Variants in CNTNAP5 observed in about 807,000 individuals in gnomAD.
CNTNAP5 encodes contactin-associated protein-like 5.
CNTNAP5 carries 72 observed loss-of-function variants against 150.2 expected under a neutral mutation model. That is an observed-to-expected ratio of 0.48 (90% confidence interval 0.40 to 0.58). The LOEUF is 0.58. Among genes scored for constraint, CNTNAP5 ranks in the 20% least tolerant of loss-of-function variants. The probability of loss-of-function intolerance (pLI) is 0.00; values close to 1 mark genes in which losing one functional copy is unlikely to be tolerated. For synonymous variants in CNTNAP5, 672 were observed against 619.8 expected (o/e 1.08, Z -1.25); for missense variants, 1,636 against 1,626.2 (o/e 1.01, Z -0.10).
rs72963836 is a variant in CNTNAP5 at position 124,852,464 on chromosome 2, C to T, written c.3218-12842C>T. On this transcript the variant is annotated intron_variant, in intron 19 of 23. Transcript: ENST00000682447. ...TAAAGTAGGTCAGTAGTAGTTGGAG[C>T]TTAGTGGGTGAGGGCAAGTGTGGAA... Among the ~76,000 whole-genome samples the T allele has an allele frequency of 7.1e-3, 1,086 of 152,208 alleles. 21 individuals carry two copies. Among genetic ancestry groups the T allele is most frequent in the African/African-American group, 0.025 (1,030 of 41,512 alleles).
chr2:124,164,282 C>T (rs1362688297), intron 1 of CNTNAP5, among the ~76,000 whole-genome samples: 1 of 152,186 alleles, frequency 6.6e-6, no homozygotes, highest in Non-Finnish European at 1.5e-5. Flanking sequence ...ACAGCAAGTA[C>T]ATGGAGCGGT....
intron 21 of CNTNAP5, among the ~76,000 whole-genome samples, chr2:124,871,081 A>G (rs1006305600): frequency 4.6e-5 from 7 of 152,006 alleles, no homozygotes; most frequent in Non-Finnish European, 1.0e-4. Flanking sequence ...TCCTAATAAT[A>G]ATCATTTTTA....
At chr2:124,648,135 A>G (rs536779844) in intron 13 of CNTNAP5, among the ~76,000 whole-genome samples, 177 bp downstream of exon 13, 16 of 152,164 alleles carry the variant, frequency 1.1e-4, no homozygotes, top group Non-Finnish European at 2.4e-4. Flanking sequence ...GAAATTCAGC[A>G]TGGAAGCTAG....
At chr2:124,104,852 C>T (rs1683141234) in intron 1 of CNTNAP5, among the ~76,000 whole-genome samples, 2 of 152,168 alleles carry the variant, frequency 1.3e-5, no homozygotes, top group Non-Finnish European at 2.9e-5. Flanking sequence ...AGCTGGTACT[C>T]GGGTTGCTGT....
chr2:124,423,714 G>GA (rs1462142947), intron 4 of CNTNAP5, among the ~76,000 whole-genome samples: 1 of 117,380 alleles, frequency 8.5e-6, no homozygotes. Flanking sequence ...GCCCAGGCTG[G>GA]AGTGCAGTGG....
chr2:124,070,027 A>G, intron 1 of CNTNAP5, among the ~76,000 whole-genome samples: 1 of 152,118 alleles, frequency 6.6e-6, no homozygotes, highest in East Asian at 1.9e-4. Context: ...AAACAATAAA[A>G]AGTTAAAAAG....
chr2:124,194,473 A>T (rs1339076506), intron 1 of CNTNAP5, among the ~76,000 whole-genome samples: 1 of 148,730 alleles, frequency 6.7e-6, no homozygotes, highest in Non-Finnish European at 1.5e-5. Flanking sequence ...TCTTTTCTAG[A>T]ACATGTGGTA....
At chr2:124,369,183 C>A (rs1690454003) in intron 3 of CNTNAP5, among the ~76,000 whole-genome samples, 1 of 152,076 alleles carries the variant, frequency 6.6e-6, no homozygotes, top group African/African-American at 2.4e-5. Context: ...TATCTCTACC[C>A]ATCCAATTGT....
At position 124,194,882 on chromosome 2, in the gene CNTNAP5, T is replaced by C. The variant is rs142711180; in HGVS notation, c.83-26823T>C. 2.0e-4 allele frequency among the ~76,000 whole-genome samples: 30 copies of C among 151,886 alleles called. No homozygotes were observed. The East Asian group carries it at 5.2e-3, about 27-fold the overall frequency. On this transcript the variant is annotated intron_variant, in intron 1 of 23. Transcript: ENST00000682447. ...TATTGGACACAATGGTAAAAACTAA[T>C]AGATGGAAAAGGGAAAACTAGAAGT...
rs559569752 is a variant in CNTNAP5, at chr2:124,246,819, C to T, written c.381+4426C>T. Among the ~76,000 whole-genome samples, 11 of 152,174 alleles carry T rather than the reference C, an allele frequency of 7.2e-5. No individual in the cohort carries two copies. In the South Asian group the frequency reaches 2.1e-3, roughly 29 times the overall value. On this transcript the variant is annotated intron_variant, in intron 3 of 23. Coordinates refer to ENST00000682447, the MANE Select transcript of CNTNAP5 (RefSeq NM_001367498.1). ...AGCTCATGTCAGTCCCCTTCTCTAC[C>T]CTATCATCTCCTGTGAATATTCTAT...
intron 8 of CNTNAP5, among the ~76,000 whole-genome samples, chr2:124,512,556 T>A (rs2104873551): frequency 6.6e-6 from 1 of 152,196 alleles, no homozygotes; most frequent in South Asian, 2.1e-4. Flanking sequence ...AAAAAGTGTC[T>A]ATAGTCAAGG....
intron 8 of CNTNAP5, among the ~76,000 whole-genome samples, chr2:124,521,799 ATTGACTGTGCT>A (rs1694852882): frequency 6.6e-6 from 1 of 152,156 alleles, no homozygotes. Context: ...AGGACTTACA[ATTGACTGTGCT>A]CCCCAAATAC....
intron 21 of CNTNAP5, among the ~76,000 whole-genome samples, chr2:124,881,423 C>G (rs985074866): frequency 1.6e-4 from 25 of 152,170 alleles, no homozygotes; most frequent in African/African-American, 5.3e-4. Flanking sequence ...GCAGATTTTT[C>G]CAGTCATTAC....
intron 3 of CNTNAP5, among the ~76,000 whole-genome samples, chr2:124,266,559 G>A (rs1030517253): frequency 1.3e-5 from 2 of 152,130 alleles, no homozygotes; most frequent in Non-Finnish European, 2.9e-5. Flanking sequence ...TTCCCCATGT[G>A]TGTCTTGTGC....
chr2:124,084,668 A>G (rs1682636630), intron 1 of CNTNAP5, among the ~76,000 whole-genome samples: 1 of 152,050 alleles, frequency 6.6e-6, no homozygotes, highest in Non-Finnish European at 1.5e-5. Flanking sequence ...GTGCTTGCAT[A>G]TATGTGTTTA....
At chr2:124,368,123 A>C (rs1690423526) in intron 3 of CNTNAP5, among the ~76,000 whole-genome samples, 1 of 152,220 alleles carries the variant, frequency 6.6e-6, no homozygotes, top group Non-Finnish European at 1.5e-5. Context: ...TCGTAAGCTT[A>C]GGTTGAAACA....
At chr2:124,523,459 G>A (rs1428250224) in intron 8 of CNTNAP5, among the ~76,000 whole-genome samples, 1 of 152,140 alleles carries the variant, frequency 6.6e-6, no homozygotes, top group Non-Finnish European at 1.5e-5. Flanking sequence ...CTTAATAGAT[G>A]ATAAACTCTT....
intron 7 of CNTNAP5, among the ~76,000 whole-genome samples, chr2:124,499,766 T>C (rs1191232302): frequency 1.3e-5 from 2 of 152,152 alleles, no homozygotes; most frequent in East Asian, 3.9e-4. Context: ...CTTTTCTCAC[T>C]CTCCCACATT....
intron 13 of CNTNAP5, among the ~76,000 whole-genome samples, chr2:124,740,669 C>T (rs574546507): frequency 1.3e-5 from 2 of 152,260 alleles, no homozygotes; most frequent in South Asian, 4.1e-4. Flanking sequence ...GTGATTTATA[C>T]CTAATTTGTA....
Sources: gnomAD v4.1 joint callset for allele counts (sites outside exome capture counted in the v4.1 genomes callset) on GRCh38, gnomAD v4.1.1 for gene constraint, MANE v1.5 for transcripts, NCBI Gene and HGNC (gene_info 2026-07-23, HGNC 2026-07-21) for gene names.